The following AP4E1 variants were observed in gnomAD, a reference collection of about 807,000 sequenced individuals.
AP4E1 encodes the protein adaptor related protein complex 4 subunit epsilon 1.
In AP4E1, 56 loss-of-function variants were observed where a neutral mutation model predicts 128.2. The ratio of observed to expected loss-of-function variants is 0.44; its 90% confidence interval spans 0.35 to 0.55. The LOEUF (loss-of-function observed/expected upper bound fraction) is 0.55. Among genes scored for constraint, AP4E1 ranks in the 20% least tolerant of loss-of-function variants. AP4E1 has a pLI of 0.00. For synonymous variants in AP4E1, 484 were observed against 473.1 expected (o/e 1.02, Z -0.30); for missense variants, 1,324 against 1,307.7 (o/e 1.01, Z -0.19).
intron 15 of AP4E1, among the ~76,000 whole-genome samples, chr15:50,975,131 C>G (rs1305827952): frequency 6.6e-6 from 1 of 152,144 alleles, no homozygotes; most frequent in Non-Finnish European, 1.5e-5. Flanking sequence ...ACCAGCTGGG[C>G]GCGGTGGCTC....
intron 10 of AP4E1, chr15:50,945,879 A>C: frequency 1.1e-6 from 1 of 913,134 alleles, no homozygotes; most frequent in Non-Finnish European, 1.8e-6. Context: ...AGATTCAGGA[A>C]CAGTGCATCA....
intron 16 of AP4E1, among the ~76,000 whole-genome samples, chr15:50,986,320 C>T (rs1282338713): frequency 6.6e-6 from 1 of 152,130 alleles, no homozygotes; most frequent in Non-Finnish European, 1.5e-5. Flanking sequence ...GCCTGATTGC[C>T]CTGGCCAGAA....
rs187567790 is a variant in AP4E1, at chr15:50,923,829, G to C, written c.347-102G>C. On this transcript the variant is annotated intron_variant, in intron 3 of 20. Coordinates refer to ENST00000261842, the MANE Select transcript of AP4E1 (RefSeq NM_007347.5). ...TTGCAATTTGTGTTTCTGTTTACTT[G>C]TAACTGGTATCTTTGATACTTACAG... is the stretch of plus-strand genomic sequence containing the variant. 4.0e-5 allele frequency: 34 copies of C among 844,238 alleles called. No individual in the cohort carries two copies. In the Admixed American group the frequency reaches 4.5e-4, roughly 11 times the overall value. 52.3% of individuals were successfully genotyped at this position (844,238 alleles called of 1,614,324 possible). A position where few individuals can be genotyped will look rare whatever the true frequency, so the allele number is the denominator to read the frequency against.
chr15:50,923,994 C>T lies in AP4E1; in HGVS notation c.410C>T (p.Thr137Ile). The T allele has an allele frequency of 6.2e-7, 1 of 1,607,958 alleles. No individual in the cohort carries two copies. Among genetic ancestry groups the T allele is most frequent in the Non-Finnish European group, 8.5e-7 (1 of 1,174,844 alleles). ...GAATTATTGCTTCTCCTTGTGAATACAGTTGTAAAGGTATTGTATTGTATG... is the reference window on the plus strand; with the variant it reads ...GAATTATTGCTTCTCCTTGTGAATATAGTTGTAAAGGTATTGTATTGTATG... ...SHELLLLLVN[T>I]VVKDLQSTNL... Residue 137 changes from threonine to isoleucine, a missense_variant, in exon 4 of 21, where the codon ACA (threonine) becomes ATA (isoleucine). Physicochemically the swap from Thr to Ile is moderately conservative, Grantham distance 89. Transcript: ENST00000261842.
intron 16 of AP4E1, among the ~76,000 whole-genome samples, chr15:50,988,442 G>A (rs1269406845): frequency 2.0e-5 from 3 of 152,080 alleles, no homozygotes; most frequent in Non-Finnish European, 4.4e-5. Context: ...AGCCTTCCGA[G>A]TAGCTGGGAT....
intron 3 of AP4E1, among the ~76,000 whole-genome samples, chr15:50,923,716 G>T (rs995763437): frequency 3.3e-5 from 5 of 152,088 alleles, no homozygotes; most frequent in Non-Finnish European, 7.4e-5. Flanking sequence ...TCCGTTTCTG[G>T]AATATCCTAT....
At chr15:50,922,503 G>A (rs2063717784) in intron 3 of AP4E1, among the ~76,000 whole-genome samples, 1 of 152,162 alleles carries the variant, frequency 6.6e-6, no homozygotes, top group South Asian at 2.1e-4. Flanking sequence ...AGAATTGGAA[G>A]TTTCCGTTTT....
chr15:51,002,622 A>C lies in AP4E1; in HGVS notation c.3374A>C (p.Tyr1125Ser). ...TCCTCCTGTTCTACTCTTCCTGACT[A>C]TTTACTGTATCAGTGTCAAAAGGTG... ...FRSSCSTLPD[Y>S]LLYQCQKVME... Residue 1125 changes from tyrosine (Y) to serine (S), a missense_variant, in exon 21 of 21, where the codon TAT (tyrosine) becomes TCT (serine). Transcript: ENST00000261842. 2 of 1,614,128 alleles carry C rather than the reference A, an allele frequency of 1.2e-6. No homozygotes were observed. The highest frequency in any genetic ancestry group is 1.7e-6 in the Non-Finnish European group (2 of 1,179,984).
At chr15:50,961,151 C>G in intron 14 of AP4E1, among the ~76,000 whole-genome samples, 1 of 151,912 alleles carries the variant, frequency 6.6e-6, no homozygotes, top group East Asian at 1.9e-4. Flanking sequence ...TACAAGATGG[C>G]TTTACAAATG....
chr15:50,947,684 G>A (rs1201961260), intron 10 of AP4E1, among the ~76,000 whole-genome samples: 1 of 152,078 alleles, frequency 6.6e-6, no homozygotes. Context: ...TGTAGGTAAT[G>A]TATATTTAAG....
chr15:50,920,531 C>T (rs2063688374), intron 3 of AP4E1, among the ~76,000 whole-genome samples: 1 of 151,216 alleles, frequency 6.6e-6, no homozygotes, highest in Admixed American at 6.6e-5. Flanking sequence ...CTAAGCCTCT[C>T]GAGTAGCTGA....
intron 14 of AP4E1, among the ~76,000 whole-genome samples, chr15:50,966,074 C>A (rs542466438): frequency 2.0e-5 from 3 of 151,992 alleles, no homozygotes; most frequent in African/African-American, 2.4e-5. Context: ...CGCGCCACCA[C>A]GCCTGGCTAA....
chr15:50,952,906 G>C (rs1360374824), intron 13 of AP4E1, among the ~76,000 whole-genome samples: 2 of 152,036 alleles, frequency 1.3e-5, no homozygotes, highest in African/African-American at 4.8e-5. Flanking sequence ...TCCACTTATT[G>C]GTGATTGTAA....
At position 50,912,965 on chromosome 15, in the gene AP4E1, G is replaced by C. The variant is rs750308793; in HGVS notation, c.222+816G>C. Among the ~76,000 whole-genome samples, 142 of 151,962 alleles carry C rather than the reference G, an allele frequency of 9.3e-4. 1 individual carries two copies. Among genetic ancestry groups the C allele is most frequent in the Non-Finnish European group, 1.9e-3 (127 of 67,992 alleles). On this transcript the variant is annotated intron_variant, in intron 2 of 20. Coordinates refer to ENST00000261842, the MANE Select transcript of AP4E1 (RefSeq NM_007347.5). ...ATTACAGGTGTGAGCCACCGTGCCT[G>C]GCCTGATTTTTTTTTAAATGAGATT...
At chr15:50,920,501 G>A (rs1383687409) in intron 3 of AP4E1, among the ~76,000 whole-genome samples, 1 of 151,006 alleles carries the variant, frequency 6.6e-6, no homozygotes, top group Non-Finnish European at 1.5e-5. Flanking sequence ...CCGCCTCCTG[G>A]GTTCAAGTGA....
intron 14 of AP4E1, among the ~76,000 whole-genome samples, chr15:50,966,600 G>A (rs1020596176): frequency 2.6e-4 from 37 of 140,700 alleles, no homozygotes; most frequent in Non-Finnish European, 4.2e-4. Flanking sequence ...GCAATGGTAC[G>A]ATCTCGGCTC....
intron 13 of AP4E1, among the ~76,000 whole-genome samples, chr15:50,955,845 C>T (rs888547179): frequency 3.9e-5 from 6 of 152,266 alleles, no homozygotes; most frequent in African/African-American, 1.4e-4. Flanking sequence ...CCTCTTGCAG[C>T]CTGGTGAGGG....
chr15:50,993,435 A>G lies in AP4E1; in HGVS notation c.2156A>G (p.Lys719Arg), dbSNP rs1206182463. The G allele has an allele frequency of 1.2e-6, 2 of 1,613,930 alleles. No homozygotes were observed. The highest frequency in any genetic ancestry group is 1.7e-6 in the Non-Finnish European group (2 of 1,180,004). ...GGGAAAGAAGGCTATCTTCCCAAGA[A>G]GGAAAGCAAAACTGGTGATGAAAGT... ...LWGKEGYLPK[K>R]ESKTGDESGA... Residue 719 changes from lysine to arginine, a missense_variant, in exon 17 of 21, where the codon AAG (lysine) becomes AGG (arginine). Physicochemically the swap from Lys to Arg is conservative, Grantham distance 26 (BLOSUM62 2). Coordinates refer to ENST00000261842, the MANE Select transcript of AP4E1 (RefSeq NM_007347.5).
Position 50,941,722 on chromosome 15 carries a change from C to T in AP4E1, c.1123C>T (p.Gln375Ter), listed in dbSNP as rs1206207643. 2 of 1,613,316 alleles carry T rather than the reference C, an allele frequency of 1.2e-6. No homozygotes were observed. Among genetic ancestry groups the T allele is most frequent in the Non-Finnish European group, 1.7e-6 (2 of 1,179,570 alleles). ...QQDPTLALQH[Q>*]MTIIECLDHP... is the part of the protein sequence containing the mutation. ...GGATCCTACTCTGGCTCTTCAACACCAGATGACAATAATTGAATGTTTAGA... is the reference window on the plus strand; with the variant it reads ...GGATCCTACTCTGGCTCTTCAACACTAGATGACAATAATTGAATGTTTAGA... Residue 375 changes from glutamine (Q) to a stop codon, truncating the protein, a stop_gained, in exon 10 of 21, where the codon CAG (glutamine) becomes TAG (stop). Transcript: ENST00000261842. LOFTEE classifies it high-confidence loss of function.
Sources: gnomAD v4.1 joint callset for allele counts (sites outside exome capture counted in the v4.1 genomes callset) on GRCh38, gnomAD v4.1.1 for gene constraint, MANE v1.5 for transcripts, NCBI Gene and HGNC (gene_info 2026-07-23, HGNC 2026-07-21) for gene names.